The following ABHD12 variants were observed in gnomAD, a reference collection of about 807,000 sequenced individuals.
ABHD12 encodes the protein abhydrolase domain containing 12, lysophospholipase, also known as lysophosphatidylserine lipase ABHD12.
ABHD12 carries 43 observed loss-of-function variants against 58.3 expected under a neutral mutation model. The ratio of observed to expected loss-of-function variants is 0.74; its 90% CI spans 0.58 to 0.95. ABHD12 has a LOEUF of 0.95. ABHD12 is among the 40% of genes least tolerant of loss of function. The probability of loss-of-function intolerance (pLI) is 0.00; values close to 1 mark genes in which losing one functional copy is unlikely to be tolerated. For missense variants in ABHD12, 539 were observed against 537.2 expected, an observed-to-expected ratio of 1.00 and a Z score of -0.03; for synonymous variants, 219 against 211.2, an observed-to-expected ratio of 1.04 and a Z score of -0.32.
At position 25,325,203 on chromosome 20, in the gene ABHD12, C is replaced by CT. The variant is rs1491383099; in HGVS notation, c.317-1774_317-1773insA. On this transcript the variant is annotated intron_variant, in intron 2 of 12. Coordinates refer to ENST00000339157, the MANE Select transcript of ABHD12 (RefSeq NM_001042472.3). ...CCTGAGTGACAGAGAGACCCTGTTT[C>CT]AAAAAAAAAAAAAAAAAAAAAAAAA... Among the ~76,000 whole-genome samples, 46 of 76,460 alleles carry CT rather than the reference C, an allele frequency of 6.0e-4. 1 individual carries two copies. Among genetic ancestry groups the CT allele is most frequent in the African/African-American group, 1.9e-3 (37 of 19,996 alleles). The allele number at this position is 76,460 out of a possible 152,430, so 50.2% of individuals were successfully genotyped here.
At chr20:25,331,202 G>A (rs1417252689) in intron 2 of ABHD12, among the ~76,000 whole-genome samples, 2 of 152,234 alleles carry the variant, frequency 1.3e-5, no homozygotes, top group Admixed American at 6.5e-5. Context: ...TCAACTGGAA[G>A]AAAGGGTATC....
At chr20:25,309,943 G>A (rs887416629) in intron 6 of ABHD12, among the ~76,000 whole-genome samples, 3 of 152,246 alleles carry the variant, frequency 2.0e-5, no homozygotes, top group Non-Finnish European at 2.9e-5. Flanking sequence ...AGCTGGCACC[G>A]GCATCCTCAG....
At chr20:25,330,370 A>G (rs915167721) in intron 2 of ABHD12, among the ~76,000 whole-genome samples, 1 of 152,240 alleles carries the variant, frequency 6.6e-6, no homozygotes, top group Non-Finnish European at 1.5e-5. Context: ...ACTGCAAGGC[A>G]GCAGCGAGGC....
intron 1 of ABHD12, 58 bp downstream of exon 1, chr20:25,390,455 A>G: frequency 7.6e-7 from 1 of 1,322,428 alleles, no homozygotes; most frequent in Non-Finnish European, 9.6e-7. Context: ...TGCGGGACGC[A>G]CCTGCGCAAA....
intron 1 of ABHD12, among the ~76,000 whole-genome samples, chr20:25,367,139 C>T (rs1173565507): frequency 6.6e-6 from 1 of 152,160 alleles, no homozygotes; most frequent in Non-Finnish European, 1.5e-5. Flanking sequence ...TTATATCTTA[C>T]AACCAACTAC....
chr20:25,361,238 T>C (rs1435801275), intron 1 of ABHD12, among the ~76,000 whole-genome samples: 1 of 152,242 alleles, frequency 6.6e-6, no homozygotes, highest in East Asian at 1.9e-4. Context: ...AAGCTGAGTC[T>C]GACCAATCCC....
At chr20:25,326,748 AC>A in intron 2 of ABHD12, among the ~76,000 whole-genome samples, 1 of 32,210 alleles carries the variant, frequency 3.1e-5, no homozygotes, top group East Asian at 2.3e-4. Context: ...TCAAAAAAAA[AC>A]AACAACAACA....
chr20:25,308,070 G>A, intron 8 of ABHD12, 25 bp from the exon 9 acceptor site: 2 of 1,497,316 alleles, frequency 1.3e-6, no homozygotes, highest in Middle Eastern at 3.5e-4. Flanking sequence ...AGGGAACTGA[G>A]AGGTAGGCAG....
chr20:25,323,508 C>T, intron 2 of ABHD12, 78 bp from the exon 3 acceptor site: 1 of 889,250 alleles, frequency 1.1e-6, no homozygotes. Flanking sequence ...TGCATACTCA[C>T]ACACGTGCAC....
intron 10 of ABHD12, among the ~76,000 whole-genome samples, chr20:25,305,995 G>A (rs1368885216): frequency 1.1e-4 from 16 of 151,830 alleles, no homozygotes; most frequent in African/African-American, 2.7e-4. Flanking sequence ...GTGAAACCCC[G>A]TCTCTACAAA....
chr20:25,361,473 G>C (rs1227729056), intron 1 of ABHD12, among the ~76,000 whole-genome samples: 4 of 152,016 alleles, frequency 2.6e-5, no homozygotes, highest in Non-Finnish European at 5.9e-5. Context: ...TCAGCTCACT[G>C]GAATTACAGA....
intron 2 of ABHD12, among the ~76,000 whole-genome samples, chr20:25,335,882 C>T (rs1482888536): frequency 6.7e-6 from 1 of 149,702 alleles, no homozygotes; most frequent in Non-Finnish European, 1.5e-5. Context: ...GGGTGCAGCA[C>T]ACCAGCATGG....
intron 1 of ABHD12, among the ~76,000 whole-genome samples, chr20:25,379,087 C>T (rs551515222): frequency 6.6e-6 from 1 of 152,310 alleles, no homozygotes; most frequent in East Asian, 1.9e-4. Flanking sequence ...TCATGTGAAC[C>T]TTTCGCCCAC....
At chr20:25,366,244 T>C (rs1216242782) in intron 1 of ABHD12, among the ~76,000 whole-genome samples, 1 of 152,114 alleles carries the variant, frequency 6.6e-6, no homozygotes, top group Non-Finnish European at 1.5e-5. Context: ...ATTTTTTTCA[T>C]ATTACAAAGT....
chr20:25,361,731 G>C (rs2089750891), intron 1 of ABHD12, among the ~76,000 whole-genome samples: 1 of 152,102 alleles, frequency 6.6e-6, no homozygotes, highest in Non-Finnish European at 1.5e-5. Flanking sequence ...CGAGACGGGT[G>C]GATCACGAGG....
In ABHD12 at chr20:25,371,660, A is replaced by G. The variant is rs183352066; in HGVS notation, c.191+18853T>C. The stretch of plus-strand genomic sequence containing the variant: ...TAGAAAGGCCACTGTCTCAGGGTTC[A>G]ATCATTATACAAAGTTAGCTTCATG... On this transcript the variant is annotated intron_variant, in intron 1 of 12. Coordinates refer to ENST00000339157, the MANE Select transcript of ABHD12 (RefSeq NM_001042472.3). Among the ~76,000 whole-genome samples the G allele has an allele frequency of 1.6e-4, 24 of 152,330 alleles. 1 individual carries two copies. Among genetic ancestry groups the G allele is most frequent in the Admixed American group, 1.4e-3 (21 of 15,292 alleles).
rs3833296 is a variant in ABHD12, at chr20:25,307,120, AG to A, written c.868-206del. ...CTGGCCGTGTCCTGGCTTTGCTGCT[AG>A]GAACAGAAGAATCACCCGCCAGGCC... is the stretch of plus-strand genomic sequence containing the variant. On this transcript the variant is annotated intron_variant, in intron 9 of 12. Transcript: ENST00000339157. 1.1e-3 allele frequency among the ~76,000 whole-genome samples: 172 copies of A among 152,294 alleles called. 2 individuals carry two copies. The East Asian group carries it at 0.011, about 10-fold the overall frequency.
intron 11 of ABHD12, 97 bp from the exon 12 acceptor site, chr20:25,302,443 A>G (rs974325146): frequency 3.7e-5 from 55 of 1,497,648 alleles, no homozygotes; most frequent in Non-Finnish European, 4.8e-5. Flanking sequence ...AATAGAAACC[A>G]GTCCAGAGTC....
intron 1 of ABHD12, among the ~76,000 whole-genome samples, chr20:25,374,196 G>A (rs1276360819): frequency 3.9e-5 from 6 of 152,092 alleles, no homozygotes; most frequent in Admixed American, 1.3e-4. Flanking sequence ...AAAGTGCTAG[G>A]ATTACAGGTG....
Sources: allele counts gnomAD v4.1 joint callset (sites outside exome capture counted in the v4.1 genomes callset), GRCh38; gene constraint gnomAD v4.1.1; transcripts MANE v1.5; gene names NCBI Gene and HGNC (gene_info 2026-07-23, HGNC 2026-07-21).